MED15: variants seen among roughly 807,000 people sequenced by gnomAD.
MED15 encodes the protein mediator complex subunit 15.
In MED15, 41 loss-of-function variants were observed where a neutral mutation model predicts 118.7. The ratio of observed to expected loss-of-function variants is 0.35; its 90% CI spans 0.27 to 0.45. MED15 has a LOEUF of 0.45. Ranked by LOEUF, MED15 falls within the 20% of genes least tolerant of loss-of-function variation. The probability of loss-of-function intolerance (pLI) is 1.00; values close to 1 mark genes in which losing one functional copy is unlikely to be tolerated. For synonymous variants in MED15, 436 were observed against 413.9 expected (o/e 1.05, Z -0.65); for missense variants, 740 against 1,025.5 (o/e 0.72, Z 3.80).
At chr22:20,573,198 C>T (rs1309069060) in intron 8 of MED15, among the ~76,000 whole-genome samples, 1 of 152,130 alleles carries the variant, frequency 6.6e-6, no homozygotes, top group African/African-American at 2.4e-5. Flanking sequence ...GAACTCCTCG[C>T]CTTAAGAGAT....
intron 1 of MED15, among the ~76,000 whole-genome samples, chr22:20,522,370 C>G (rs1411413690): frequency 6.6e-6 from 1 of 152,090 alleles, no homozygotes; most frequent in Non-Finnish European, 1.5e-5. Flanking sequence ...AGGAACCTGT[C>G]TGTAACAGGC....
chr22:20,584,130 C>T, intron 13 of MED15: 1 of 577,578 alleles, frequency 1.7e-6, no homozygotes, highest in South Asian at 2.0e-5. Context: ...AGGGGCCTGG[C>T]CACTGTCCCT....
chr22:20,510,066 A>C (rs2054009752), intron 1 of MED15, among the ~76,000 whole-genome samples: 1 of 152,130 alleles, frequency 6.6e-6, no homozygotes, highest in South Asian at 2.1e-4. Context: ...CGCTCTAACA[A>C]ATTACCACAA....
chr22:20,576,730 G>C, intron 9 of MED15, among the ~76,000 whole-genome samples: 1 of 152,264 alleles, frequency 6.6e-6, no homozygotes, highest in East Asian at 1.9e-4. Context: ...TGGTGGAAAG[G>C]AGGCCAGTGT....
chr22:20,555,670 T>C (rs1318456459), intron 5 of MED15, among the ~76,000 whole-genome samples: 1 of 152,236 alleles, frequency 6.6e-6, no homozygotes, highest in Non-Finnish European at 1.5e-5. Context: ...GATCAGGTGT[T>C]ATAGGTGAAC....
chr22:20,565,709 C>T (rs142360008), intron 6 of MED15, among the ~76,000 whole-genome samples: 170 of 152,330 alleles, frequency 1.1e-3, no homozygotes, highest in African/African-American at 3.8e-3. Context: ...AGACCTTGAC[C>T]GTCACCGTGA....
intron 13 of MED15, 51 bp from the exon 14 acceptor site, chr22:20,584,308 G>C (rs1569253410): frequency 1.3e-6 from 2 of 1,585,638 alleles, no homozygotes; most frequent in South Asian, 2.2e-5. Flanking sequence ...TCCTGAGCCT[G>C]AGAACTGCCA....
At chr22:20,566,193 C>G (rs921547308) in intron 6 of MED15, among the ~76,000 whole-genome samples, 9 of 152,086 alleles carry the variant, frequency 5.9e-5, no homozygotes, top group Non-Finnish European at 1.3e-4. Flanking sequence ...GTGTGAGCCA[C>G]CATGCCTGGC....
At chr22:20,578,799 T>C (rs2146655322) in intron 9 of MED15, among the ~76,000 whole-genome samples, 1 of 152,368 alleles carries the variant, frequency 6.6e-6, no homozygotes, top group East Asian at 1.9e-4. Flanking sequence ...CCATTTGCTC[T>C]TGCTCTTTCC....
Position 20,584,902 on chromosome 22 carries a change from A to G in MED15, c.1851A>G (p.Leu617=), listed in dbSNP as rs771659470. The G allele has an allele frequency of 3.3e-5, 54 of 1,613,600 alleles. No homozygotes were observed. Among genetic ancestry groups the G allele is most frequent in the Non-Finnish European group, 4.3e-5 (51 of 1,179,994 alleles). The change falls in exon 15 of 18, where the codon CTA becomes CTG. Residue 617 remains leucine, a synonymous_variant. Coordinates refer to ENST00000263205, the MANE Select transcript of MED15 (RefSeq NM_001003891.3). ...PPVPPTKQQY[L]CQPLLDAVLA... is the part of the protein sequence containing the mutation. ...TGCCACCGACCAAACAGCAGTACCT[A>G]TGCCAGCCGCTCCTGGATGCCGTCC... is the stretch of plus-strand genomic sequence containing the variant.
At chr22:20,533,122 G>A (rs995917397) in intron 1 of MED15, among the ~76,000 whole-genome samples, 1 of 152,188 alleles carries the variant, frequency 6.6e-6, no homozygotes, top group Non-Finnish European at 1.5e-5. Context: ...GGCTTTGGGA[G>A]CAGCCAGTGC....
chr22:20,585,945 G>GC lies in MED15; in HGVS notation c.2230+123dup. On this transcript the variant is annotated intron_variant, in intron 17 of 17. Transcript: ENST00000263205. ...GTGCTCCTGCCCCTCCCCAGCTCAG[G>GC]CCCCTCCCTCCCCTCTTCTGGCTCC... 5 of 919,312 alleles carry GC rather than the reference G, an allele frequency of 5.4e-6. No individual in the cohort carries two copies. In the South Asian group the frequency reaches 6.1e-5, roughly 11 times the overall value. The allele number at this position is 919,312 out of a possible 1,614,324, so 56.9% of individuals were successfully genotyped here. A position where few individuals can be genotyped will look rare whatever the true frequency, so the allele number is the denominator to read the frequency against.
intron 1 of MED15, among the ~76,000 whole-genome samples, chr22:20,517,812 G>A (rs2054306517): frequency 6.6e-6 from 1 of 152,128 alleles, no homozygotes; most frequent in Non-Finnish European, 1.5e-5. Flanking sequence ...ACAGGAAGAT[G>A]CAACCAGTCA....
chr22:20,568,905 T>G (rs1350268605), intron 8 of MED15, among the ~76,000 whole-genome samples: 2 of 152,200 alleles, frequency 1.3e-5, no homozygotes, highest in South Asian at 4.1e-4. Flanking sequence ...CTTGCCACTC[T>G]GAGTGACTCT....
intron 2 of MED15, among the ~76,000 whole-genome samples, chr22:20,542,023 A>C (rs778846884): frequency 3.3e-4 from 50 of 151,792 alleles, no homozygotes; most frequent in Non-Finnish European, 3.1e-4. Flanking sequence ...TGAACTCCTG[A>C]CCTCAGGTGG....
chr22:20,518,857 A>T, intron 1 of MED15: 2 of 452,548 alleles, frequency 4.4e-6, no homozygotes, highest in East Asian at 7.0e-5. Flanking sequence ...ACATTCATTT[A>T]TTTGTTTGTT....
intron 9 of MED15, chr22:20,582,391 G>A (rs1238548554): frequency 1.0e-5 from 7 of 681,380 alleles, no homozygotes; most frequent in African/African-American, 1.8e-5. Context: ...AGCAAGGGCT[G>A]CCCTGCCTGG....
At chr22:20,550,367 T>C (rs890472083) in intron 2 of MED15, among the ~76,000 whole-genome samples, 1 of 152,218 alleles carries the variant, frequency 6.6e-6, no homozygotes, top group Non-Finnish European at 1.5e-5. Context: ...TTCTTCTTCA[T>C]GTTGTCCTGT....
At chr22:20,575,936 G>A (rs147973309) in intron 9 of MED15, among the ~76,000 whole-genome samples, 201 of 152,274 alleles carry the variant, frequency 1.3e-3, no homozygotes, top group African/African-American at 4.3e-3. Flanking sequence ...AGTGGTATTG[G>A]GCCATGCTGT....
Sources: allele counts gnomAD v4.1 joint callset (sites outside exome capture counted in the v4.1 genomes callset), GRCh38; gene constraint gnomAD v4.1.1; transcripts MANE v1.5; gene names NCBI Gene and HGNC (gene_info 2026-07-23, HGNC 2026-07-21).